Variants in IGF1R observed in about 807,000 individuals in gnomAD.
IGF1R encodes the protein insulin like growth factor 1 receptor.
In IGF1R, 44 loss-of-function variants were observed where a neutral mutation model predicts 144.6. The observed-to-expected ratio is 0.30, with a 90% confidence interval of 0.24 to 0.39. IGF1R has a LOEUF of 0.39. Ranked by LOEUF, IGF1R falls within the 10% of genes least tolerant of loss-of-function variation. The probability of loss-of-function intolerance (pLI) is 1.00; values close to 1 mark genes in which losing one functional copy is unlikely to be tolerated. For synonymous variants in IGF1R, 795 were observed against 722.8 expected, an observed-to-expected ratio of 1.10 and a Z score of -1.60; for missense variants, 1,355 against 1,833.7, an observed-to-expected ratio of 0.74 and a Z score of 4.77.
rs1335883217 is a variant in IGF1R at position 98,963,760 on chromosome 15, G to T, written c.*6318G>T. Reference sequence around the variant, plus strand: ...ACAGAAGAGACCCTATTTTATTTAAGGCAGAACCCCGAAGATACGTATTTC... The same window carrying T: ...ACAGAAGAGACCCTATTTTATTTAATGCAGAACCCCGAAGATACGTATTTC... On this transcript the variant is annotated 3_prime_UTR_variant, in exon 21 of 21. Coordinates refer to ENST00000650285, the MANE Select transcript of IGF1R (RefSeq NM_000875.5). The T allele has an allele frequency of 8.6e-6, 2 of 232,898 alleles. No homozygotes were observed. Among genetic ancestry groups the T allele is most frequent in the African/African-American group, 4.4e-5 (2 of 45,290 alleles). 14.4% of individuals were successfully genotyped at this position (232,898 alleles called of 1,614,324 possible).
At chr15:98,895,678 A>G (rs1040790664) in intron 3 of IGF1R, among the ~76,000 whole-genome samples, 1 of 152,256 alleles carries the variant, frequency 6.6e-6, no homozygotes, top group Non-Finnish European at 1.5e-5. Flanking sequence ...TAAACAAAAC[A>G]GAACCCTGCA....
At chr15:98,753,139 A>G (rs1233359542) in intron 2 of IGF1R, among the ~76,000 whole-genome samples, 1 of 151,870 alleles carries the variant, frequency 6.6e-6, no homozygotes, top group African/African-American at 2.4e-5. Context: ...TCACCATGTT[A>G]GCCAGGATGG....
At chr15:98,724,404 T>G (rs4966017) in intron 2 of IGF1R, among the ~76,000 whole-genome samples, 133,173 of 152,098 alleles carry the variant, frequency 0.88, 58,669 homozygotes, top group Non-Finnish European at 0.93. Flanking sequence ...GGCACAGACA[T>G]TTATGAAGCA....
chr15:98,743,500 G>C (rs2054795262), intron 2 of IGF1R, among the ~76,000 whole-genome samples: 1 of 152,176 alleles, frequency 6.6e-6, no homozygotes, highest in Non-Finnish European at 1.5e-5. Context: ...CAAACAAATA[G>C]AACATTGTAT....
In IGF1R at chr15:98,942,845, A is replaced by G. The variant is rs1285832307; in HGVS notation, c.3458-78A>G. The stretch of plus-strand genomic sequence containing the variant: ...CTTGCCTTGCGTCTCTCCACACATA[A>G]TGAGTGTAGGGTCCTCTGCTGTGAC... On this transcript the variant is annotated intron_variant, in intron 18 of 20. Coordinates refer to ENST00000650285, the MANE Select transcript of IGF1R (RefSeq NM_000875.5). The G allele has an allele frequency of 1.9e-6, 3 of 1,583,426 alleles. No individual in the cohort carries two copies. In the African/African-American group the frequency reaches 4.0e-5, roughly 21 times the overall value.
At chr15:98,762,841 A>T (rs1289726857) in intron 2 of IGF1R, among the ~76,000 whole-genome samples, 3 of 146,716 alleles carry the variant, frequency 2.0e-5, no homozygotes, top group African/African-American at 7.6e-5. Flanking sequence ...AGGTCAAGAG[A>T]TCAAGACCAT....
intron 2 of IGF1R, among the ~76,000 whole-genome samples, chr15:98,739,622 T>A (rs1036124342): frequency 0.025 from 45 of 1,816 alleles, no homozygotes; most frequent in African/African-American, 0.041. Context: ...GAAAAAAAAA[T>A]TTTTTTGAAA....
chr15:98,695,302 C>T (rs1190882340), intron 1 of IGF1R, among the ~76,000 whole-genome samples: 1 of 152,160 alleles, frequency 6.6e-6, no homozygotes, highest in Non-Finnish European at 1.5e-5. Context: ...CGGGTCAAGG[C>T]ATTGGGGTTG....
chr15:98,800,324 C>A (rs1467652249), intron 2 of IGF1R, among the ~76,000 whole-genome samples: 1 of 152,038 alleles, frequency 6.6e-6, no homozygotes, highest in Admixed American at 6.5e-5. Context: ...TGAAGTTGTT[C>A]CTTATCTCAT....
At chr15:98,807,585 C>T (rs188170300) in intron 2 of IGF1R, among the ~76,000 whole-genome samples, 1 of 152,330 alleles carries the variant, frequency 6.6e-6, no homozygotes, top group East Asian at 1.9e-4. Context: ...TATCCTTGTG[C>T]TGCCATTTTT....
chr15:98,687,838 T>C (rs1408464916), intron 1 of IGF1R, among the ~76,000 whole-genome samples: 1 of 152,202 alleles, frequency 6.6e-6, no homozygotes, highest in Non-Finnish European at 1.5e-5. Flanking sequence ...TATCTTCAGA[T>C]TTTTGTCTTT....
chr15:98,698,549 T>C (rs144968935), intron 1 of IGF1R, among the ~76,000 whole-genome samples: 1 of 152,358 alleles, frequency 6.6e-6, no homozygotes, highest in East Asian at 1.9e-4. Context: ...GCAGGATTTC[T>C]CCTTTTGTGA....
intron 2 of IGF1R, among the ~76,000 whole-genome samples, chr15:98,786,069 C>A (rs978689486): frequency 1.3e-5 from 2 of 152,168 alleles, no homozygotes; most frequent in Admixed American, 6.5e-5. Flanking sequence ...TGTGGCTACC[C>A]CAGAAATCAC....
At chr15:98,837,813 C>G (rs778959167) in intron 2 of IGF1R, among the ~76,000 whole-genome samples, 1 of 152,194 alleles carries the variant, frequency 6.6e-6, no homozygotes. Flanking sequence ...ATTCACCATA[C>G]TTTTCTCCAG....
intron 2 of IGF1R, among the ~76,000 whole-genome samples, chr15:98,862,707 A>G (rs1321753964): frequency 6.6e-6 from 1 of 152,236 alleles, no homozygotes; most frequent in Non-Finnish European, 1.5e-5. Context: ...ATTGATTTGC[A>G]TGTATCCTTA....
At chr15:98,711,683 C>T (rs1052599800) in intron 2 of IGF1R, among the ~76,000 whole-genome samples, 1 of 152,170 alleles carries the variant, frequency 6.6e-6, no homozygotes, top group African/African-American at 2.4e-5. Flanking sequence ...CAACGCCACC[C>T]TCTTATGAGT....
chr15:98,889,792 G>A (rs1364255543), intron 2 of IGF1R, among the ~76,000 whole-genome samples: 1 of 152,074 alleles, frequency 6.6e-6, no homozygotes, highest in South Asian at 2.1e-4. Context: ...TTTTAATCAT[G>A]TATTTTTATT....
chr15:98,760,887 C>T (rs1441315584), intron 2 of IGF1R, among the ~76,000 whole-genome samples: 1 of 152,254 alleles, frequency 6.6e-6, no homozygotes, highest in African/African-American at 2.4e-5. Context: ...AAGGAGCTGT[C>T]GCTCAGCTCT....
At chr15:98,900,491 A>G (rs2014427032) in intron 5 of IGF1R, 1 of 152,250 alleles carries the variant, frequency 6.6e-6, no homozygotes, top group Non-Finnish European at 1.5e-5. Context: ...CAACTGGATA[A>G]AGTTACTGCA....
Sources: allele counts gnomAD v4.1 joint callset (sites outside exome capture counted in the v4.1 genomes callset), GRCh38; gene constraint gnomAD v4.1.1; transcripts MANE v1.5; gene names NCBI Gene and HGNC (gene_info 2026-07-23, HGNC 2026-07-21).